The following PIK3R5 variants were observed in gnomAD, a reference collection of about 807,000 sequenced individuals.
PIK3R5 encodes the protein phosphoinositide-3-kinase regulatory subunit 5, also known as phosphoinositide 3-kinase regulatory subunit 5.
Under a neutral mutation model 94.9 loss-of-function variants are expected in PIK3R5, and 32 were observed. That is an observed-to-expected ratio of 0.34 (90% CI 0.25 to 0.45). The LOEUF (loss-of-function observed/expected upper bound fraction) is 0.45. PIK3R5 is among the 20% of genes least tolerant of loss of function. PIK3R5 has a pLI of 1.00. For missense variants in PIK3R5, 853 were observed against 1,144.6 expected (o/e 0.75, Z 3.68); for synonymous variants, 443 against 479.4 (o/e 0.92, Z 0.99).
At chr17:8,900,476 C>T (rs1326488730) in intron 5 of PIK3R5, among the ~76,000 whole-genome samples, 1 of 152,232 alleles carries the variant, frequency 6.6e-6, no homozygotes, top group Admixed American at 6.5e-5. Flanking sequence ...TCTGCTTTCC[C>T]TGGAAGAGGA....
At chr17:8,931,709 C>A (rs2090990824) in intron 1 of PIK3R5, among the ~76,000 whole-genome samples, 1 of 152,150 alleles carries the variant, frequency 6.6e-6, no homozygotes, top group Non-Finnish European at 1.5e-5. Flanking sequence ...CAGGGTAAGA[C>A]CTCATGAAGC....
intron 1 of PIK3R5, among the ~76,000 whole-genome samples, chr17:8,959,284 TG>T (rs2091517260): frequency 6.6e-6 from 1 of 152,210 alleles, no homozygotes; most frequent in Non-Finnish European, 1.5e-5. Flanking sequence ...GGAGCTGTGC[TG>T]GGGATAATCC....
In PIK3R5 at chr17:8,925,367, G is replaced by A. The variant is rs1256671469; in HGVS notation, c.-13-13860C>T. Among the ~76,000 whole-genome samples, 3 of 151,282 alleles carry A rather than the reference G, an allele frequency of 2.0e-5. No homozygotes were observed. Among genetic ancestry groups the A allele is most frequent in the Non-Finnish European group, 4.4e-5 (3 of 67,918 alleles). On this transcript the variant is annotated intron_variant, in intron 1 of 18. Coordinates refer to ENST00000447110, the MANE Select transcript of PIK3R5 (RefSeq NM_001142633.3). This position sits in a 1 kb window ranked among gnomAD's most constrained non-coding sequence, Gnocchi z 5.1. ...TGATAGATAGATGGATTGATAGATAGTAGATGGATAGATAGATAGATAGTA... is the reference window on the plus strand; with the variant it reads ...TGATAGATAGATGGATTGATAGATAATAGATGGATAGATAGATAGATAGTA...
intron 1 of PIK3R5, among the ~76,000 whole-genome samples, chr17:8,927,528 C>G (rs2090908149): frequency 6.6e-6 from 1 of 152,174 alleles, no homozygotes; most frequent in Non-Finnish European, 1.5e-5. Context: ...AAAGAGACAC[C>G]TCCATGATAA....
intron 1 of PIK3R5, among the ~76,000 whole-genome samples, chr17:8,948,186 G>A (rs1696932615): frequency 6.6e-6 from 1 of 152,056 alleles, no homozygotes; most frequent in South Asian, 2.1e-4. Context: ...GCCGACGCAT[G>A]AGAGAAAGCC....
At position 8,955,435 on chromosome 17, in the gene PIK3R5, C is replaced by T. The variant is rs762039067; in HGVS notation, c.-14+10161G>A. Among the ~76,000 whole-genome samples the T allele has an allele frequency of 6.6e-5, 10 of 152,156 alleles. No homozygotes were observed. Among genetic ancestry groups the T allele is most frequent in the Non-Finnish European group, 8.8e-5 (6 of 68,034 alleles). ...GTCAGGCAGTCTGGCTGGAGGAGAGCGTGATGATTCGTGGAGAAAGGAGTG... is the reference window on the plus strand; with the variant it reads ...GTCAGGCAGTCTGGCTGGAGGAGAGTGTGATGATTCGTGGAGAAAGGAGTG... On this transcript the variant is annotated intron_variant, in intron 1 of 18. Coordinates refer to ENST00000447110, the MANE Select transcript of PIK3R5 (RefSeq NM_001142633.3). This position sits in a 1 kb window ranked among gnomAD's most constrained non-coding sequence, Gnocchi z 4.4.
chr17:8,911,474 T>C lies in PIK3R5; in HGVS notation c.21A>G (p.Thr7=). The C allele has an allele frequency of 6.3e-7, 1 of 1,599,704 alleles. No individual in the cohort carries two copies. The highest frequency in any genetic ancestry group is 8.5e-7 in the Non-Finnish European group (1 of 1,179,810). The change falls in exon 2 of 19, where the codon ACA becomes ACG. Residue 7 remains threonine (T), a synonymous_variant. Coordinates refer to ENST00000447110, the MANE Select transcript of PIK3R5 (RefSeq NM_001142633.3). This position sits in a 1 kb window ranked among gnomAD's most constrained non-coding sequence, Gnocchi z 5.3. The stretch of plus-strand genomic sequence containing the variant: ...CATGCTGGATGCGGTCCTCCGTGCA[T>C]GTCGTGGCCCCTGGCTGCATCCTGG... MQPGAT[T]CTEDRIQHAL... is the part of the protein sequence containing the mutation.
intron 12 of PIK3R5, 143 bp downstream of exon 12, chr17:8,886,953 C>T: frequency 1.0e-6 from 1 of 962,896 alleles, no homozygotes; most frequent in Non-Finnish European, 1.5e-6. Context: ...TCCTGCTTCT[C>T]ACCCACACTC....
chr17:8,961,711 AG>A (rs1384725126), intron 1 of PIK3R5, among the ~76,000 whole-genome samples: 1 of 152,154 alleles, frequency 6.6e-6, no homozygotes, highest in Non-Finnish European at 1.5e-5. Context: ...CCATGGCAGC[AG>A]GAGAGAAGCT....
chr17:8,919,913 G>A (rs1283017926), intron 1 of PIK3R5, among the ~76,000 whole-genome samples: 7 of 124,982 alleles, frequency 5.6e-5, no homozygotes, highest in Middle Eastern at 0.01. Context: ...TTTTTTGGAC[G>A]GAGTCTCGCT....
At chr17:8,954,520 C>T (rs8078271) in intron 1 of PIK3R5, among the ~76,000 whole-genome samples, 7 of 152,300 alleles carry the variant, frequency 4.6e-5, no homozygotes, top group Non-Finnish European at 1.0e-4. Flanking sequence ...CTTCCCCAGG[C>T]TCTTATGCAG....
chr17:8,922,940 T>TC lies in PIK3R5; in HGVS notation c.-13-11434dup, dbSNP rs371215795. Among the ~76,000 whole-genome samples, 709 of 151,972 alleles carry TC rather than the reference T, an allele frequency of 4.7e-3. 5 individuals are homozygous for TC. Among genetic ancestry groups the TC allele is most frequent in the African/African-American group, 0.016 (675 of 41,396 alleles). The stretch of plus-strand genomic sequence containing the variant: ...AGAAGCAGAGGCAAGACTGCCCACT[T>TC]CCCCCCATCTTTGCTCAAGCCCTTC... On this transcript the variant is annotated intron_variant, in intron 1 of 18. Transcript: ENST00000447110.
Position 8,925,358 on chromosome 17 carries a change from TGATAGATAGTAGATGGATAGATA to T in PIK3R5, c.-13-13874_-13-13852del, listed in dbSNP as rs1567658446. On this transcript the variant is annotated intron_variant, in intron 1 of 18. Transcript: ENST00000447110. The surrounding 1 kb of genome is among the most constrained non-coding windows in gnomAD (Gnocchi z 5.1). Reference sequence around the variant, plus strand: ...ACAGTAGATTGATAGATAGATGGATTGATAGATAGTAGATGGATAGATAGATAGATAGTAGATGGAGAGATAGT... The same window carrying T: ...ACAGTAGATTGATAGATAGATGGATTGATAGATAGTAGATGGAGAGATAGT... Among the ~76,000 whole-genome samples, 7 of 140,290 alleles carry T rather than the reference TGATAGATAGTAGATGGATAGATA, an allele frequency of 5.0e-5. No homozygotes were observed. Among genetic ancestry groups the T allele is most frequent in the South Asian group, 2.3e-4 (1 of 4,320 alleles). The allele number at this position is 140,290 out of a possible 152,430, so 92.0% of individuals were successfully genotyped here. A position where few individuals can be genotyped will look rare whatever the true frequency, so the allele number is the denominator to read the frequency against.
At chr17:8,927,094 T>C (rs1468159839) in intron 1 of PIK3R5, among the ~76,000 whole-genome samples, 7 of 152,112 alleles carry the variant, frequency 4.6e-5, no homozygotes, top group Admixed American at 3.3e-4. Context: ...ATGGGTGAGT[T>C]CCCTGGCTTC....
At chr17:8,946,219 G>A (rs1166242195) in intron 1 of PIK3R5, among the ~76,000 whole-genome samples, 2 of 151,898 alleles carry the variant, frequency 1.3e-5, no homozygotes, top group Non-Finnish European at 1.5e-5. Context: ...GCCCCTTACC[G>A]AGACCAGGTC....
At chr17:8,883,229 T>C (rs1221226744) in intron 15 of PIK3R5, among the ~76,000 whole-genome samples, 2 of 151,958 alleles carry the variant, frequency 1.3e-5, no homozygotes, top group African/African-American at 4.8e-5. Flanking sequence ...ATTAGCCGGG[T>C]GTGGTGGCGG....
chr17:8,899,221 A>G (rs900936046), intron 5 of PIK3R5, among the ~76,000 whole-genome samples: 1 of 152,234 alleles, frequency 6.6e-6, no homozygotes, highest in Admixed American at 6.5e-5. Flanking sequence ...GGAGTCAGGA[A>G]GCAGGGGGAG....
rs568256651 is a variant in PIK3R5 at position 8,893,481 on chromosome 17, G to T, written c.482+105C>A. On this transcript the variant is annotated intron_variant, in intron 6 of 18. Coordinates refer to ENST00000447110, the MANE Select transcript of PIK3R5 (RefSeq NM_001142633.3). This position sits in a 1 kb window ranked among gnomAD's most constrained non-coding sequence, Gnocchi z 5.1. ...TTGTTGCTGGCTGGGGTGGACAGGG[G>T]GTGGGGGCACTGGATGTTTGAGTGG... 2.3e-6 allele frequency: 2 copies of T among 883,500 alleles called. No homozygotes were observed. Among genetic ancestry groups the T allele is most frequent in the Admixed American group, 3.6e-5 (2 of 55,706 alleles). 54.7% of individuals were successfully genotyped at this position (883,500 alleles called of 1,614,324 possible). A position where few individuals can be genotyped will look rare whatever the true frequency, so the allele number is the denominator to read the frequency against.
At chr17:8,918,643 C>G (rs9910000) in intron 1 of PIK3R5, among the ~76,000 whole-genome samples, 11,107 of 152,062 alleles carry the variant, frequency 0.073, 993 homozygotes, top group African/African-American at 0.21. Flanking sequence ...ATTGTAGATC[C>G]ACTGATGAAT....
Sources: allele counts gnomAD v4.1 joint callset (sites outside exome capture counted in the v4.1 genomes callset), GRCh38; gene constraint gnomAD v4.1.1; non-coding constraint Gnocchi (gnomAD v3.1); transcripts MANE v1.5; gene names NCBI Gene and HGNC (gene_info 2026-07-23, HGNC 2026-07-21).